The following PIBF1 variants were observed in gnomAD, a reference collection of about 807,000 sequenced individuals.
The protein encoded by PIBF1 is progesterone-induced-blocking factor 1.
A neutral mutation model predicts 112.5 loss-of-function variants in PIBF1; 90 were observed. That is an observed-to-expected ratio of 0.80 (90% confidence interval 0.67 to 0.95). The LOEUF (loss-of-function observed/expected upper bound fraction) is 0.95. Ranked by LOEUF, PIBF1 falls within the 40% of genes least tolerant of loss-of-function variation. The pLI is 0.00. For synonymous variants in PIBF1, 301 were observed against 288.6 expected (o/e 1.04, Z -0.44); for missense variants, 915 against 852.3 (o/e 1.07, Z -0.92).
chr13:72,810,608 G>A lies in PIBF1; in HGVS notation c.673-11241G>A, dbSNP rs547383110. On this transcript the variant is annotated intron_variant, in intron 5 of 17. Transcript: ENST00000326291. ...TTTATTAAAGTTTTTATATTTTAGGGAGTGTTAACTGTTTTCTGAGATTTC... is the reference window on the plus strand; with the variant it reads ...TTTATTAAAGTTTTTATATTTTAGGAAGTGTTAACTGTTTTCTGAGATTTC... Among the ~76,000 whole-genome samples the A allele has an allele frequency of 1.3e-4, 20 of 152,224 alleles. No individual in the cohort carries two copies. The South Asian group carries it at 2.1e-3, about 16-fold the overall frequency.
chr13:72,972,424 G>A (rs912168846), intron 15 of PIBF1, among the ~76,000 whole-genome samples: 3 of 152,158 alleles, frequency 2.0e-5, no homozygotes, highest in African/African-American at 7.2e-5. Flanking sequence ...AGCACTTCGG[G>A]AGGCCGAGGT....
At chr13:72,793,668 G>C (rs757206558) in intron 3 of PIBF1, among the ~76,000 whole-genome samples, 10 of 152,204 alleles carry the variant, frequency 6.6e-5, no homozygotes, top group Non-Finnish European at 1.5e-4. Flanking sequence ...CTTGATAGCT[G>C]ATGGTCATAA....
chr13:72,942,266 A>T (rs1164700457), intron 14 of PIBF1, among the ~76,000 whole-genome samples: 3 of 25,624 alleles, frequency 1.2e-4, no homozygotes, highest in African/African-American at 3.7e-4. Flanking sequence ...TCAATGATGT[A>T]AAAAAAAAAA....
chr13:72,988,052 G>A (rs1594323487), intron 16 of PIBF1, among the ~76,000 whole-genome samples: 1 of 150,510 alleles, frequency 6.6e-6, no homozygotes, highest in African/African-American at 2.4e-5. Context: ...TAGTAGAGAC[G>A]GGGTTTCACC....
intron 1 of PIBF1, among the ~76,000 whole-genome samples, chr13:72,782,772 C>T (rs2034349876): frequency 6.6e-6 from 1 of 151,992 alleles, no homozygotes; most frequent in Admixed American, 6.6e-5. Context: ...TTTTTGTCCC[C>T]GTTTTCCCTA....
At chr13:73,004,892 T>C (rs556740758) in intron 17 of PIBF1, among the ~76,000 whole-genome samples, 139 of 152,154 alleles carry the variant, frequency 9.1e-4, no homozygotes. Flanking sequence ...TATGTACATT[T>C]AAAAATGGTT....
chr13:72,908,973 G>A (rs1454993033), intron 12 of PIBF1, among the ~76,000 whole-genome samples: 1 of 151,758 alleles, frequency 6.6e-6, no homozygotes, highest in Non-Finnish European at 1.5e-5. Flanking sequence ...CTTGAACCCG[G>A]AAGGCAGAGG....
chr13:72,938,748 T>A (rs924868834), intron 14 of PIBF1, among the ~76,000 whole-genome samples: 1 of 152,210 alleles, frequency 6.6e-6, no homozygotes, highest in African/African-American at 2.4e-5. Flanking sequence ...ACTGCAAAAC[T>A]GTTTTTCGTA....
chr13:72,980,815 A>C (rs1035920013), intron 16 of PIBF1, among the ~76,000 whole-genome samples: 13 of 151,958 alleles, frequency 8.6e-5, no homozygotes, highest in African/African-American at 3.1e-4. Flanking sequence ...CCAAAAAAAA[A>C]AAAGAAAAAG....
intron 5 of PIBF1, among the ~76,000 whole-genome samples, chr13:72,814,522 A>G (rs1009966558): frequency 1.4e-4 from 21 of 151,472 alleles, no homozygotes; most frequent in African/African-American, 4.8e-4. Context: ...TACAGATTAT[A>G]TAGTTTCTAT....
intron 7 of PIBF1, 93 bp from the exon 8 acceptor site, chr13:72,827,640 G>A: frequency 1.3e-6 from 1 of 745,882 alleles, no homozygotes; most frequent in Non-Finnish European, 2.0e-6. Context: ...TTCATGTGGT[G>A]AATGAAAACA....
intron 11 of PIBF1, among the ~76,000 whole-genome samples, chr13:72,899,174 C>T (rs1470570530): frequency 6.6e-6 from 1 of 152,144 alleles, no homozygotes; most frequent in African/African-American, 2.4e-5. Flanking sequence ...GATGGATTCA[C>T]AGCAGAATTC....
Position 72,913,063 on chromosome 13 carries a change from T to G in PIBF1, c.1640-4013T>G, listed in dbSNP as rs182327722. Among the ~76,000 whole-genome samples the G allele has an allele frequency of 1.0e-3, 158 of 151,914 alleles. 2 individuals carry two copies. The East Asian group carries it at 0.02, about 20-fold the overall frequency. Reference sequence around the variant, plus strand: ...AATCAAGGGGTGGGGGTAAAAATTTTTTTTTTTATTTTTAAAAAGACAAAA... The same window carrying G: ...AATCAAGGGGTGGGGGTAAAAATTTGTTTTTTTATTTTTAAAAAGACAAAA... On this transcript the variant is annotated intron_variant, in intron 12 of 17. Coordinates refer to ENST00000326291, the MANE Select transcript of PIBF1 (RefSeq NM_006346.4).
chr13:72,975,327 T>A (rs546444631), intron 16 of PIBF1, among the ~76,000 whole-genome samples: 1 of 152,234 alleles, frequency 6.6e-6, no homozygotes, highest in East Asian at 1.9e-4. Context: ...AGTGCTGGGA[T>A]TACAGGTGTG....
intron 5 of PIBF1, among the ~76,000 whole-genome samples, chr13:72,799,201 C>T (rs1049969841): frequency 6.6e-6 from 1 of 152,142 alleles, no homozygotes; most frequent in Non-Finnish European, 1.5e-5. Context: ...GCCTATATTT[C>T]TGTTTCAGAG....
At chr13:72,823,131 G>T (rs550027185) in intron 6 of PIBF1, among the ~76,000 whole-genome samples, 14 of 152,212 alleles carry the variant, frequency 9.2e-5, no homozygotes, top group African/African-American at 3.1e-4. Context: ...AAATGAAATA[G>T]ATTATGATGC....
chr13:72,890,780 G>A (rs1335780435), intron 10 of PIBF1, among the ~76,000 whole-genome samples: 3 of 152,122 alleles, frequency 2.0e-5, no homozygotes, highest in Non-Finnish European at 2.9e-5. Flanking sequence ...AGTTAAGTGG[G>A]AGTTACCTGA....
chr13:72,837,602 A>G (rs1371356762), intron 9 of PIBF1, among the ~76,000 whole-genome samples: 1 of 152,120 alleles, frequency 6.6e-6, no homozygotes, highest in Non-Finnish European at 1.5e-5. Context: ...CACTACAGAA[A>G]TGTCCTTGAG....
intron 9 of PIBF1, among the ~76,000 whole-genome samples, chr13:72,840,566 C>T (rs1023245128): frequency 6.6e-6 from 1 of 150,920 alleles, no homozygotes; most frequent in Admixed American, 6.6e-5. Flanking sequence ...CTCTGTCACC[C>T]AGACTGGAGT....
Sources: allele counts gnomAD v4.1 joint callset (sites outside exome capture counted in the v4.1 genomes callset), GRCh38; gene constraint gnomAD v4.1.1; transcripts MANE v1.5; gene names NCBI Gene and HGNC (gene_info 2026-07-23, HGNC 2026-07-21).